PEBP4: variants seen among roughly 807,000 people sequenced by gnomAD.
PEBP4 encodes the protein phosphatidylethanolamine-binding protein 4.
A neutral mutation model predicts 23.9 loss-of-function variants in PEBP4; 22 were observed. The ratio of observed to expected loss-of-function variants is 0.92; its 90% CI spans 0.66 to 1.31. The LOEUF is 1.31. Among genes scored for constraint, PEBP4 ranks in the 40% most tolerant of loss-of-function variants. The probability of loss-of-function intolerance (pLI) is 0.00; values close to 1 mark genes in which losing one functional copy is unlikely to be tolerated. For missense variants in PEBP4, 324 were observed against 281.7 expected (o/e 1.15, Z -1.07); for synonymous variants, 112 against 99.3 (o/e 1.13, Z -0.76).
At chr8:22,873,237 C>T (rs1027807278) in intron 3 of PEBP4, among the ~76,000 whole-genome samples, 6 of 152,222 alleles carry the variant, frequency 3.9e-5, no homozygotes, top group Middle Eastern at 3.4e-3. Context: ...TCTTTCTCTT[C>T]ATTGTCAGCC....
chr8:22,838,550 A>ACG (rs1807255203), intron 3 of PEBP4, among the ~76,000 whole-genome samples: 1 of 152,206 alleles, frequency 6.6e-6, no homozygotes, highest in Admixed American at 6.5e-5. Context: ...AGCAGACCTG[A>ACG]CGCTCCCTCC....
At chr8:22,872,809 T>C (rs1808032755) in intron 3 of PEBP4, among the ~76,000 whole-genome samples, 1 of 152,194 alleles carries the variant, frequency 6.6e-6, no homozygotes, top group Non-Finnish European at 1.5e-5. Flanking sequence ...CCTGAGTAGC[T>C]GGGACTACAG....
At chr8:22,767,454 T>C (rs561212097) in intron 4 of PEBP4, among the ~76,000 whole-genome samples, 2 of 152,350 alleles carry the variant, frequency 1.3e-5, no homozygotes, top group African/African-American at 4.8e-5. Flanking sequence ...TCCTCCGTGA[T>C]TTCTCGAGCG....
intron 4 of PEBP4, among the ~76,000 whole-genome samples, chr8:22,773,849 T>C (rs985180565): frequency 6.6e-6 from 1 of 152,142 alleles, no homozygotes; most frequent in South Asian, 2.1e-4. Flanking sequence ...CTTTTCCATC[T>C]TGTTCCTCTA....
chr8:22,882,844 G>A (rs1472077627), intron 3 of PEBP4, among the ~76,000 whole-genome samples: 1 of 152,096 alleles, frequency 6.6e-6, no homozygotes, highest in Non-Finnish European at 1.5e-5. Flanking sequence ...GTGGGTACTA[G>A]ACCACTAGGA....
intron 4 of PEBP4, among the ~76,000 whole-genome samples, chr8:22,794,515 C>T (rs1806203606): frequency 6.6e-6 from 1 of 152,186 alleles, no homozygotes; most frequent in Non-Finnish European, 1.5e-5. Flanking sequence ...GAATTCCTGG[C>T]CTCAAGTAAT....
chr8:22,882,938 C>T (rs991177845), intron 3 of PEBP4, among the ~76,000 whole-genome samples: 1 of 152,228 alleles, frequency 6.6e-6, no homozygotes, highest in Non-Finnish European at 1.5e-5. Context: ...GTTCCTCCCA[C>T]GATGAAGACT....
chr8:22,917,112 T>G (rs1294301827), intron 3 of PEBP4, among the ~76,000 whole-genome samples: 4 of 130,768 alleles, frequency 3.1e-5, no homozygotes, highest in South Asian at 2.9e-4. Context: ...GCTTTGGAGT[T>G]TGCTGGGGGC....
intron 4 of PEBP4, among the ~76,000 whole-genome samples, chr8:22,793,809 G>A (rs1806189296): frequency 6.6e-6 from 1 of 152,088 alleles, no homozygotes; most frequent in Admixed American, 6.5e-5. Context: ...TACATTTCTA[G>A]AAGGAGATTG....
At chr8:22,908,097 G>C (rs1808853643) in intron 3 of PEBP4, among the ~76,000 whole-genome samples, 1 of 152,096 alleles carries the variant, frequency 6.6e-6, no homozygotes, top group African/African-American at 2.4e-5. Flanking sequence ...CCAAGATGGG[G>C]CAAGACTGAA....
intron 3 of PEBP4, among the ~76,000 whole-genome samples, chr8:22,912,000 G>T (rs1045779803): frequency 1.3e-5 from 2 of 152,118 alleles, no homozygotes; most frequent in Admixed American, 6.6e-5. Flanking sequence ...TGAGCTGCCG[G>T]CAAGATCTAT....
At chr8:22,715,947 T>A (rs1563191799) in intron 6 of PEBP4, among the ~76,000 whole-genome samples, 1 of 152,028 alleles carries the variant, frequency 6.6e-6, no homozygotes, top group Non-Finnish European at 1.5e-5. Context: ...GGCACTGCTG[T>A]CCCCGAGAGG....
intron 4 of PEBP4, among the ~76,000 whole-genome samples, chr8:22,795,809 G>A (rs1328110020): frequency 2.0e-5 from 3 of 151,986 alleles, no homozygotes. Context: ...ATATTTTAAC[G>A]ATATTTTATG....
chr8:22,886,085 C>A (rs1228597394), intron 3 of PEBP4: 1 of 152,218 alleles, frequency 6.6e-6, no homozygotes, highest in Non-Finnish European at 1.5e-5. Flanking sequence ...AACAATGAAA[C>A]CCTTACTAGA....
At chr8:22,857,924 T>C (rs1807689544) in intron 3 of PEBP4, among the ~76,000 whole-genome samples, 1 of 152,208 alleles carries the variant, frequency 6.6e-6, no homozygotes, top group Admixed American at 6.5e-5. Context: ...GTCACCTGAC[T>C]TACATGCCCC....
intron 4 of PEBP4, among the ~76,000 whole-genome samples, chr8:22,780,797 T>C (rs935529444): frequency 2.6e-5 from 4 of 152,180 alleles, no homozygotes; most frequent in African/African-American, 9.7e-5. Context: ...GGTCTTCCCT[T>C]CTGTAAAAGG....
intron 3 of PEBP4, among the ~76,000 whole-genome samples, chr8:22,827,093 C>G (rs1806986997): frequency 6.6e-6 from 1 of 152,020 alleles, no homozygotes; most frequent in Non-Finnish European, 1.5e-5. Flanking sequence ...GGAATAAGAC[C>G]CTGGGTGCTA....
intron 3 of PEBP4, among the ~76,000 whole-genome samples, chr8:22,890,386 A>G (rs1374518798): frequency 6.6e-6 from 1 of 152,236 alleles, no homozygotes; most frequent in Non-Finnish European, 1.5e-5. Flanking sequence ...ATTCTCTAGA[A>G]TTTTAGGAAC....
At chr8:22,880,593 C>T (rs937969) in intron 3 of PEBP4, 42,276 of 152,316 alleles carry the variant, frequency 0.28, 6,557 homozygotes, top group Middle Eastern at 0.39. Context: ...GAGCAGGTGC[C>T]TACTGTATGG....
Sources: gnomAD v4.1 joint callset for allele counts (sites outside exome capture counted in the v4.1 genomes callset) on GRCh38, gnomAD v4.1.1 for gene constraint, MANE v1.5 for transcripts, NCBI Gene and HGNC (gene_info 2026-07-23, HGNC 2026-07-21) for gene names.